HAUS6: variants seen among roughly 807,000 people sequenced by gnomAD.
HAUS6 encodes HAUS augmin like complex subunit 6.
Under a neutral mutation model 106.8 loss-of-function variants are expected in HAUS6, and 80 were observed. The ratio of observed to expected loss-of-function variants is 0.75; its 90% CI spans 0.63 to 0.90. The LOEUF is 0.90. HAUS6 is among the 40% of genes least tolerant of loss of function. The pLI, the probability that HAUS6 is intolerant of heterozygous loss-of-function variation, is 0.00. For missense variants in HAUS6, 1,155 were observed against 1,118.1 expected (o/e 1.03, Z -0.47); for synonymous variants, 356 against 379.1 (o/e 0.94, Z 0.71).
chr9:19,070,341 G>C, intron 11 of HAUS6, 41 bp from the exon 12 acceptor site: 1 of 1,065,262 alleles, frequency 9.4e-7, no homozygotes, highest in Non-Finnish European at 1.4e-6. Context: ...AATTATGTTT[G>C]TACATTCTAA....
chr9:19,083,076 C>A, intron 7 of HAUS6, 33 bp from the exon 8 acceptor site: 1 of 1,388,080 alleles, frequency 7.2e-7, no homozygotes, highest in Non-Finnish European at 9.9e-7. Flanking sequence ...TTAAAGTCCA[C>A]ACATAATCTG....
rs1588588347 is a variant in HAUS6, at chr9:19,054,123, T to A, written c.*2220A>T. ...AAAGAGAGCTGTAATTGTGGTAAAC[T>A]AGTAGAGGAAAGCAAGGTATTCCTG... On this transcript the variant is annotated 3_prime_UTR_variant, in exon 17 of 17. Transcript: ENST00000380502. The A allele has an allele frequency of 6.6e-6, 1 of 152,102 alleles. No individual in the cohort carries two copies. Among genetic ancestry groups the A allele is most frequent in the East Asian group, 1.9e-4 (1 of 5,194 alleles). The allele number at this position is 152,102 out of a possible 1,614,324, so 9.4% of individuals were successfully genotyped here. A position where few individuals can be genotyped will look rare whatever the true frequency, so the allele number is the denominator to read the frequency against.
chr9:19,095,760 G>C (rs1020046248), intron 2 of HAUS6, among the ~76,000 whole-genome samples: 2 of 152,072 alleles, frequency 1.3e-5, no homozygotes, highest in South Asian at 2.1e-4. Flanking sequence ...CACTTTTTTA[G>C]ATAGCAGAAA....
At position 19,096,552 on chromosome 9, in the gene HAUS6, G is replaced by A. The variant is rs572833450; in HGVS notation, c.224+122C>T. The A allele has an allele frequency of 7.1e-5, 38 of 533,188 alleles. No individual in the cohort carries two copies. The African/African-American group carries it at 7.9e-4, about 11-fold the overall frequency. 33.0% of individuals were successfully genotyped at this position (533,188 alleles called of 1,614,324 possible). On this transcript the variant is annotated intron_variant, in intron 2 of 16. Coordinates refer to ENST00000380502, the MANE Select transcript of HAUS6 (RefSeq NM_017645.5). The stretch of plus-strand genomic sequence containing the variant: ...TGCACTCCAGCCTCGATGACGGAGT[G>A]AGACTCCGTCTCAAAAAAAAAAAAA...
At chr9:19,068,446 A>G (rs1836813833) in intron 12 of HAUS6, among the ~76,000 whole-genome samples, 1 of 152,224 alleles carries the variant, frequency 6.6e-6, no homozygotes, top group Admixed American at 6.5e-5. Flanking sequence ...CAGATAGACT[A>G]AAATATGGTT....
chr9:19,059,123 C>A (rs1836548200), intron 15 of HAUS6, 122 bp from the exon 16 acceptor site: 1 of 627,604 alleles, frequency 1.6e-6, no homozygotes, highest in Non-Finnish European at 2.8e-6. Context: ...CATAAATATA[C>A]TGGTTGGATG....
chr9:19,087,012 G>T, intron 6 of HAUS6, 79 bp downstream of exon 6: 1 of 745,294 alleles, frequency 1.3e-6, no homozygotes, highest in South Asian at 1.5e-5. Flanking sequence ...TAATGTTTGT[G>T]GGAGTCTGTT....
Position 19,056,391 on chromosome 9 carries a change from CA to C in HAUS6, c.2819del (p.Leu940Ter). 1.3e-6 allele frequency: 2 copies of C among 1,547,948 alleles called. No homozygotes were observed. The highest frequency in any genetic ancestry group is 1.8e-6 in the Non-Finnish European group (2 of 1,120,704). On this transcript the variant is annotated frameshift_variant, in exon 17 of 17. Transcript: ENST00000380502. LOFTEE classifies it high-confidence loss of function. ...GTTCTTTTGCATCAAGGCTCTTATTCAAAATGTCTTCTTCTGCAAATTGATT... is the reference window on the plus strand; with the variant it reads ...GTTCTTTTGCATCAAGGCTCTTATTCAAATGTCTTCTTCTGCAAATTGATT... ...ELPNLKEEDI[L>X]NKSLDAKEPP...
chr9:19,102,624 C>G lies in HAUS6; in HGVS notation c.28G>C (p.Glu10Gln), dbSNP rs1818015448. 1.2e-6 allele frequency: 2 copies of G among 1,612,894 alleles called. No homozygotes were observed. The highest frequency in any genetic ancestry group is 1.7e-6 in the Non-Finnish European group (2 of 1,179,446). Residue 10 changes from glutamate to glutamine, a missense_variant, in exon 1 of 17, where the codon GAG becomes CAG. Physicochemically the swap from Glu to Gln is conservative, Grantham distance 29. Coordinates refer to ENST00000380502, the MANE Select transcript of HAUS6 (RefSeq NM_017645.5). ...AGATACATCCAGAGATGCTCCTTCT[C>G]GAAAGCGGTGACCGAGGCCGAGCTC... The part of the protein sequence containing the change: MSSASVTAF[E>Q]KEHLWMYLQA...
intron 4 of HAUS6, chr9:19,089,816 T>C (rs1271880377): frequency 4.6e-6 from 2 of 439,276 alleles, no homozygotes; most frequent in Non-Finnish European, 8.0e-6. Flanking sequence ...ATATAACAAC[T>C]AATGTTTTGT....
intron 1 of HAUS6, among the ~76,000 whole-genome samples, chr9:19,098,744 C>T (rs1426131076): frequency 6.6e-6 from 1 of 151,974 alleles, no homozygotes; most frequent in Non-Finnish European, 1.5e-5. Context: ...AAAGTGGAGC[C>T]GGGCCCGGTG....
chr9:19,091,044 T>TA (rs1379388549), intron 4 of HAUS6, among the ~76,000 whole-genome samples: 3 of 152,142 alleles, frequency 2.0e-5, no homozygotes, highest in Non-Finnish European at 4.4e-5. Flanking sequence ...CTCAGGCCTG[T>TA]AATCCCAGCA....
rs533355293 is a variant in HAUS6 at position 19,059,936 on chromosome 9, G to C, written c.1765+152C>G. 1.5e-3 allele frequency: 808 copies of C among 551,556 alleles called. 2 individuals are homozygous for C. The highest frequency in any genetic ancestry group is 2.2e-3 in the Non-Finnish European group (696 of 309,474). The allele number at this position is 551,556 out of a possible 1,614,324, so 34.2% of individuals were successfully genotyped here. On this transcript the variant is annotated intron_variant, in intron 15 of 16. Coordinates refer to ENST00000380502, the MANE Select transcript of HAUS6 (RefSeq NM_017645.5). ...AGGCACAAAATACTGCTAAAAGACTGTTATGTGAGAATGCCCACACTTAGT... is the reference window on the plus strand; with the variant it reads ...AGGCACAAAATACTGCTAAAAGACTCTTATGTGAGAATGCCCACACTTAGT...
chr9:19,099,934 C>A (rs1482726689), intron 1 of HAUS6, among the ~76,000 whole-genome samples: 1 of 152,228 alleles, frequency 6.6e-6, no homozygotes, highest in Non-Finnish European at 1.5e-5. Context: ...TGGCTCAGGC[C>A]TATAATCCCA....
rs116385705 is a variant in HAUS6, at chr9:19,062,691, T to G, written c.1629+317A>C. Among the ~76,000 whole-genome samples, 1,299 of 152,316 alleles carry G rather than the reference T, an allele frequency of 8.5e-3. 30 individuals carry two copies. The highest frequency in any genetic ancestry group is 0.03 in the African/African-American group (1,237 of 41,576). On this transcript the variant is annotated intron_variant, in intron 14 of 16. Coordinates refer to ENST00000380502, the MANE Select transcript of HAUS6 (RefSeq NM_017645.5). ...TGATTTTGTTTTTTGAAACAGGGTCTCAGTCTGTCACTCAGGCTGGAGTGC... is the reference window on the plus strand; with the variant it reads ...TGATTTTGTTTTTTGAAACAGGGTCGCAGTCTGTCACTCAGGCTGGAGTGC...
At chr9:19,063,444 C>A in intron 13 of HAUS6, 70 bp downstream of exon 13, 1 of 785,946 alleles carries the variant, frequency 1.3e-6, no homozygotes, top group Non-Finnish European at 2.0e-6. Flanking sequence ...ACTGTGGTAT[C>A]AACAAAAATA....
intron 1 of HAUS6, 63 bp downstream of exon 1, chr9:19,102,460 AG>A: frequency 2.6e-6 from 4 of 1,543,444 alleles, no homozygotes; most frequent in Non-Finnish European, 3.6e-6. Flanking sequence ...GGTCTACAAA[AG>A]GGGGAGTCCC....
chr9:19,089,634 T>C (rs1374942589), intron 4 of HAUS6, 75 bp from the exon 5 acceptor site: 38 of 1,110,172 alleles, frequency 3.4e-5, no homozygotes, highest in South Asian at 1.4e-4. Context: ...TGAACATTAG[T>C]GTCACTAACG....
At chr9:19,101,716 T>C (rs1817991751) in intron 1 of HAUS6, among the ~76,000 whole-genome samples, 1 of 152,080 alleles carries the variant, frequency 6.6e-6, no homozygotes, top group Admixed American at 6.6e-5. Context: ...GCTCAGGAGA[T>C]CGAGACCATC....
Sources: allele counts gnomAD v4.1 joint callset (sites outside exome capture counted in the v4.1 genomes callset), GRCh38; gene constraint gnomAD v4.1.1; transcripts MANE v1.5; gene names NCBI Gene and HGNC (gene_info 2026-07-23, HGNC 2026-07-21).